The following BBOX1 variants were observed in gnomAD, a reference collection of about 807,000 sequenced individuals.
BBOX1 encodes the protein gamma-butyrobetaine hydroxylase 1.
In BBOX1, 35 loss-of-function variants were observed where a neutral mutation model predicts 41.6. That is an observed-to-expected ratio of 0.84 (90% CI 0.64 to 1.11). The LOEUF is 1.11. Ranked by LOEUF, BBOX1 falls within the 50% of genes most tolerant of loss-of-function variation. The probability of loss-of-function intolerance (pLI) is 0.00; values close to 1 mark genes in which losing one functional copy is unlikely to be tolerated. For missense variants in BBOX1, 458 were observed against 460.6 expected (o/e 0.99, Z 0.05); for synonymous variants, 163 against 154.7 (o/e 1.05, Z -0.40).
chr11:27,091,985 C>G (rs1400576387), intron 4 of BBOX1, among the ~76,000 whole-genome samples: 1 of 151,910 alleles, frequency 6.6e-6, no homozygotes, highest in African/African-American at 2.4e-5. Flanking sequence ...CACCTACTAA[C>G]CTATGCCAAT....
intron 4 of BBOX1, among the ~76,000 whole-genome samples, chr11:27,080,445 T>C (rs994750321): frequency 9.2e-5 from 14 of 152,092 alleles, no homozygotes; most frequent in Middle Eastern, 3.2e-3. Context: ...GCACTTTCCA[T>C]GGATTGTTCA....
At chr11:27,108,101 A>C (rs1322077992) in intron 5 of BBOX1, among the ~76,000 whole-genome samples, 1 of 152,112 alleles carries the variant, frequency 6.6e-6, no homozygotes, top group Admixed American at 6.6e-5. Context: ...AAGACACTCT[A>C]GGGCTAATAA....
At chr11:27,100,616 T>C (rs956960159) in intron 5 of BBOX1, among the ~76,000 whole-genome samples, 4 of 152,134 alleles carry the variant, frequency 2.6e-5, no homozygotes, top group Non-Finnish European at 5.9e-5. Context: ...CTTTGAGCCA[T>C]TGTGAACCTC....
intron 2 of BBOX1, among the ~76,000 whole-genome samples, chr11:27,050,504 T>G (rs2133951061): frequency 6.6e-6 from 1 of 152,298 alleles, no homozygotes; most frequent in East Asian, 1.9e-4. Flanking sequence ...GTTCCATTTA[T>G]TTGTGTCTCA....
chr11:27,071,338 T>A (rs1487317422), intron 4 of BBOX1, among the ~76,000 whole-genome samples: 3 of 150,720 alleles, frequency 2.0e-5, no homozygotes, highest in African/African-American at 7.3e-5. Context: ...GCCAAGATTG[T>A]ACCACTGCAC....
At chr11:27,097,608 T>C (rs894633138) in intron 5 of BBOX1, among the ~76,000 whole-genome samples, 14 of 151,992 alleles carry the variant, frequency 9.2e-5, no homozygotes, top group Non-Finnish European at 1.9e-4. Flanking sequence ...CTTTAAATAA[T>C]CTAGGCCAAT....
intron 5 of BBOX1, among the ~76,000 whole-genome samples, chr11:27,101,135 A>G (rs981028276): frequency 2.0e-5 from 3 of 152,124 alleles, no homozygotes; most frequent in Non-Finnish European, 4.4e-5. Flanking sequence ...CCATGCTACT[A>G]TGGTGGTTCA....
rs188037824 is a variant in BBOX1, at chr11:27,103,265, A to G, written c.533+9899A>G. On this transcript the variant is annotated intron_variant, in intron 5 of 8. Coordinates refer to ENST00000263182, the MANE Select transcript of BBOX1 (RefSeq NM_003986.3). The stretch of plus-strand genomic sequence containing the variant: ...TTAAAGTCTAGTAATTTCATAGACT[A>G]TGTCTTGATATTGATTGTTCTGGGA... Among the ~76,000 whole-genome samples the G allele has an allele frequency of 3.3e-5, 5 of 152,306 alleles. No individual in the cohort carries two copies. The East Asian group carries it at 5.8e-4, about 18-fold the overall frequency.
At chr11:27,083,290 AG>A (rs1157981141) in intron 4 of BBOX1, among the ~76,000 whole-genome samples, 4 of 152,152 alleles carry the variant, frequency 2.6e-5, no homozygotes, top group African/African-American at 9.6e-5. Context: ...GAGGAAGGAA[AG>A]GAGCAATATT....
chr11:27,104,406 A>T (rs1346186215), intron 5 of BBOX1, among the ~76,000 whole-genome samples: 2 of 152,162 alleles, frequency 1.3e-5, no homozygotes, highest in Non-Finnish European at 2.9e-5. Flanking sequence ...TCATGGGAAT[A>T]TCTTATCACT....
At chr11:27,104,466 T>C (rs903169526) in intron 5 of BBOX1, among the ~76,000 whole-genome samples, 2 of 152,146 alleles carry the variant, frequency 1.3e-5, no homozygotes, top group Non-Finnish European at 2.9e-5. Flanking sequence ...TCACTCTAGA[T>C]GTTGTATAGG....
intron 5 of BBOX1, among the ~76,000 whole-genome samples, chr11:27,095,788 A>C (rs553583971): frequency 6.6e-6 from 1 of 151,998 alleles, no homozygotes; most frequent in Admixed American, 6.6e-5. Flanking sequence ...TCAGAGAATA[A>C]GAAAAATAAA....
chr11:27,122,721 T>C (rs1859510897), intron 7 of BBOX1, among the ~76,000 whole-genome samples: 1 of 152,078 alleles, frequency 6.6e-6, no homozygotes, highest in Non-Finnish European at 1.5e-5. Flanking sequence ...TGAGACATAA[T>C]GCTGTCACTA....
At chr11:27,057,486 GA>G in intron 4 of BBOX1, 171 bp downstream of exon 4, 1 of 591,498 alleles carries the variant, frequency 1.7e-6, no homozygotes, top group South Asian at 2.1e-5. Flanking sequence ...GGGTAGAGAT[GA>G]AAAGGAGTAT....
At chr11:27,062,351 C>T (rs1270719811) in intron 4 of BBOX1, among the ~76,000 whole-genome samples, 7 of 152,136 alleles carry the variant, frequency 4.6e-5, no homozygotes, top group Admixed American at 4.6e-4. Flanking sequence ...CCAACAAGGG[C>T]TCAGATATGC....
chr11:27,123,225 C>A (rs1425035493), intron 7 of BBOX1, among the ~76,000 whole-genome samples: 1 of 151,816 alleles, frequency 6.6e-6, no homozygotes, highest in African/African-American at 2.4e-5. Context: ...ATAACACACA[C>A]AAAAAGTTGA....
intron 2 of BBOX1, among the ~76,000 whole-genome samples, chr11:27,053,674 G>A (rs1194401286): frequency 1.3e-5 from 2 of 152,030 alleles, no homozygotes; most frequent in Non-Finnish European, 2.9e-5. Context: ...CCTTTCTCTT[G>A]TCAGGAAATT....
chr11:27,044,340 C>T (rs962135908), intron 2 of BBOX1, among the ~76,000 whole-genome samples: 4 of 151,896 alleles, frequency 2.6e-5, no homozygotes, highest in African/African-American at 7.3e-5. Context: ...GATATTAGAC[C>T]TTTGTCAGAT....
intron 2 of BBOX1, among the ~76,000 whole-genome samples, chr11:27,054,546 G>T (rs1308811137): frequency 6.6e-6 from 1 of 152,078 alleles, no homozygotes; most frequent in East Asian, 1.9e-4. Flanking sequence ...TAATACCACG[G>T]TGTCTCTGTT....
Sources: allele counts gnomAD v4.1 joint callset (sites outside exome capture counted in the v4.1 genomes callset), GRCh38; gene constraint gnomAD v4.1.1; transcripts MANE v1.5; gene names NCBI Gene and HGNC (gene_info 2026-07-23, HGNC 2026-07-21).